Variants in PEAK1 observed in about 807,000 individuals in gnomAD.
The protein encoded by PEAK1 is pseudopodium enriched atypical kinase 1.
A neutral mutation model predicts 124.7 loss-of-function variants in PEAK1; 54 were observed. The ratio of observed to expected loss-of-function variants is 0.43; its 90% CI spans 0.35 to 0.54. PEAK1 has a LOEUF of 0.54. Among genes scored for constraint, PEAK1 ranks in the 20% least tolerant of loss-of-function variants. The pLI is 0.01. For synonymous variants in PEAK1, 719 were observed against 760.0 expected, an observed-to-expected ratio of 0.95 and a Z score of 0.89; for missense variants, 2,046 against 2,134.5, an observed-to-expected ratio of 0.96 and a Z score of 0.82.
chr15:77,115,444 G>A (rs2051278799), intron 9 of PEAK1, 125 bp from the exon 10 acceptor site: 5 of 855,572 alleles, frequency 5.8e-6, no homozygotes, highest in Non-Finnish European at 8.8e-6. Context: ...TGTTCGCAAG[G>A]CTTGCCCCAT....
At chr15:77,358,928 A>T (rs969891002) in intron 2 of PEAK1, among the ~76,000 whole-genome samples, 1 of 152,344 alleles carries the variant, frequency 6.6e-6, no homozygotes, top group East Asian at 1.9e-4. Context: ...TACTGTGAAG[A>T]TTACATGAAA....
At chr15:77,240,073 C>T (rs773600632) in intron 6 of PEAK1, among the ~76,000 whole-genome samples, 1 of 152,316 alleles carries the variant, frequency 6.6e-6, no homozygotes, top group Non-Finnish European at 1.5e-5. Context: ...TTACAACCAG[C>T]TGGAGACAGC....
intron 8 of PEAK1, among the ~76,000 whole-genome samples, chr15:77,149,268 T>C (rs1596353834): frequency 6.6e-6 from 1 of 152,174 alleles, no homozygotes; most frequent in East Asian, 1.9e-4. Context: ...ACAGTAAAAA[T>C]GATGGTAAGC....
At chr15:77,263,087 G>A (rs1353014174) in intron 5 of PEAK1, among the ~76,000 whole-genome samples, 2 of 152,126 alleles carry the variant, frequency 1.3e-5, no homozygotes, top group Non-Finnish European at 2.9e-5. Flanking sequence ...CAGAATCTCT[G>A]GGACACATTC....
rs527661181 is a variant in PEAK1, at chr15:77,186,018, T to G, written c.-114-3978A>C. On this transcript the variant is annotated intron_variant, in intron 6 of 9. Transcript: ENST00000682557. ...ACAATATGTTTTGTTTTTACCTTTT[T>G]TGGTAGATGTTTTTTTCTTTTGTTG... Among the ~76,000 whole-genome samples, 40 of 152,310 alleles carry G rather than the reference T, an allele frequency of 2.6e-4. 1 individual carries two copies. The South Asian group carries it at 7.9e-3, about 30-fold the overall frequency.
At chr15:77,193,685 T>C (rs2057961165) in intron 6 of PEAK1, among the ~76,000 whole-genome samples, 1 of 152,190 alleles carries the variant, frequency 6.6e-6, no homozygotes, top group Non-Finnish European at 1.5e-5. Flanking sequence ...GCGCTTGTAA[T>C]CCCAGCTACT....
chr15:77,359,515 T>C (rs2067744641), intron 2 of PEAK1, among the ~76,000 whole-genome samples: 1 of 151,148 alleles, frequency 6.6e-6, no homozygotes, highest in African/African-American at 2.4e-5. Flanking sequence ...GAGGTAAAAC[T>C]ATCACTATGA....
At chr15:77,346,094 T>C in intron 2 of PEAK1, 1 of 985,416 alleles carries the variant, frequency 1.0e-6, no homozygotes, top group South Asian at 4.7e-5. Flanking sequence ...GACTATGCCA[T>C]AAACCAAAGT....
chr15:77,153,421 T>C (rs1314290953), intron 8 of PEAK1, among the ~76,000 whole-genome samples: 1 of 152,234 alleles, frequency 6.6e-6, no homozygotes, highest in African/African-American at 2.4e-5. Flanking sequence ...TTTGTTGATC[T>C]TTTCAAAAAA....
chr15:77,186,027 G>A (rs1336212114), intron 6 of PEAK1, among the ~76,000 whole-genome samples: 1 of 152,084 alleles, frequency 6.6e-6, no homozygotes, highest in Non-Finnish European at 1.5e-5. Flanking sequence ...TTTGGTAGAT[G>A]TTTTTTTCTT....
At chr15:77,235,181 TAATAC>T (rs925650971) in intron 6 of PEAK1, among the ~76,000 whole-genome samples, 4 of 151,980 alleles carry the variant, frequency 2.6e-5, no homozygotes, top group African/African-American at 9.7e-5. Context: ...GAGAACTGGC[TAATAC>T]AATAAATTGG....
chr15:77,115,676 A>G (rs989074686), intron 9 of PEAK1, among the ~76,000 whole-genome samples: 2 of 152,228 alleles, frequency 1.3e-5, no homozygotes, highest in Non-Finnish European at 2.9e-5. Context: ...CTTGCACCTC[A>G]TCAGAACAAC....
intron 6 of PEAK1, among the ~76,000 whole-genome samples, chr15:77,215,906 TTTTATA>T (rs57869574): frequency 0.65 from 98,573 of 150,714 alleles, 33,177 homozygotes; most frequent in Non-Finnish European, 0.75. Context: ...TTGAGATATA[TTTTATA>T]TTTATATTTA....
chr15:77,219,916 C>T (rs2059310591), intron 6 of PEAK1, among the ~76,000 whole-genome samples: 1 of 152,000 alleles, frequency 6.6e-6, no homozygotes, highest in African/African-American at 2.4e-5. Context: ...TATTAATAGG[C>T]CATACTTTAG....
chr15:77,278,742 C>A, intron 5 of PEAK1: 1 of 486,430 alleles, frequency 2.1e-6, no homozygotes, highest in South Asian at 1.5e-5. Flanking sequence ...AAGTGAAGCA[C>A]GTGCATTTTT....
intron 6 of PEAK1, among the ~76,000 whole-genome samples, chr15:77,210,777 G>A (rs963605553): frequency 1.3e-5 from 2 of 152,166 alleles, no homozygotes; most frequent in Non-Finnish European, 2.9e-5. Context: ...CTACTCAGGA[G>A]GCTGAGGCAG....
At chr15:77,246,289 G>A (rs1361364828) in intron 6 of PEAK1, among the ~76,000 whole-genome samples, 6 of 152,118 alleles carry the variant, frequency 3.9e-5, no homozygotes, top group Non-Finnish European at 8.8e-5. Flanking sequence ...TTACAGGCGT[G>A]AGCCACTGTG....
intron 5 of PEAK1, among the ~76,000 whole-genome samples, chr15:77,279,893 T>C (rs377000873): frequency 1.3e-5 from 2 of 152,204 alleles, no homozygotes; most frequent in Non-Finnish European, 2.9e-5. Context: ...ACTATAGTGA[T>C]GAAGTACAGA....
intron 1 of PEAK1, chr15:77,401,420 T>C (rs1385283456): frequency 1.3e-6 from 1 of 777,886 alleles, no homozygotes. Flanking sequence ...TTCTTGTTCT[T>C]TCAACATTTT....
Sources: gnomAD v4.1 joint callset for allele counts (sites outside exome capture counted in the v4.1 genomes callset) on GRCh38, gnomAD v4.1.1 for gene constraint, MANE v1.5 for transcripts, NCBI Gene and HGNC (gene_info 2026-07-23, HGNC 2026-07-21) for gene names.